The following TCERG1L variants were observed in gnomAD, a reference collection of about 807,000 sequenced individuals.
TCERG1L encodes transcription elongation regulator 1 like, also known as transcription elongation regulator 1-like protein.
Under a neutral mutation model 56.3 loss-of-function variants are expected in TCERG1L, and 37 were observed. The observed-to-expected ratio is 0.66, with a 90% CI of 0.51 to 0.87. The LOEUF is 0.87. Among genes scored for constraint, TCERG1L ranks in the 40% least tolerant of loss-of-function variants. The pLI, the probability that TCERG1L is intolerant of heterozygous loss-of-function variation, is 0.00. For synonymous variants in TCERG1L, 324 were observed against 326.3 expected (o/e 0.99, Z 0.08); for missense variants, 799 against 774.2 (o/e 1.03, Z -0.38).
chr10:131,291,591 T>TAA (rs1564835361), intron 3 of TCERG1L, among the ~76,000 whole-genome samples: 1 of 151,478 alleles, frequency 6.6e-6, no homozygotes, highest in African/African-American at 2.4e-5. Context: ...CACACCCGGC[T>TAA]AATTTTTTGT....
chr10:131,121,663 G>A (rs1845514514), intron 8 of TCERG1L, among the ~76,000 whole-genome samples: 1 of 152,222 alleles, frequency 6.6e-6, no homozygotes, highest in South Asian at 2.1e-4. Flanking sequence ...ACACACCCGT[G>A]CTCATAATGG....
intron 11 of TCERG1L, 144 bp from the exon 12 acceptor site, chr10:131,093,462 G>T: frequency 4.3e-6 from 4 of 922,948 alleles, no homozygotes; most frequent in Admixed American, 2.5e-5. Context: ...TGGGTGAGCG[G>T]CTCTGACCAG....
chr10:131,257,006 A>AAAGAAAGAAAGAAAGG (rs1846177742), intron 4 of TCERG1L, among the ~76,000 whole-genome samples: 1 of 133,812 alleles, frequency 7.5e-6, no homozygotes. Flanking sequence ...AGAAAGAAAG[A>AAAGAAAGAAAGAAAGG]AAGAAAGAAA....
chr10:131,221,162 G>A (rs1020609183), intron 4 of TCERG1L, among the ~76,000 whole-genome samples: 1 of 152,216 alleles, frequency 6.6e-6, no homozygotes. Flanking sequence ...AGGCCACAGG[G>A]GCAGCCCAGA....
At chr10:131,173,963 G>A (rs999850691) in intron 4 of TCERG1L, among the ~76,000 whole-genome samples, 3 of 152,200 alleles carry the variant, frequency 2.0e-5, no homozygotes, top group Admixed American at 1.3e-4. Context: ...GGAGGGAGGA[G>A]GGTGTGGGAC....
intron 4 of TCERG1L, among the ~76,000 whole-genome samples, chr10:131,236,919 A>G (rs1028544526): frequency 9.9e-5 from 15 of 151,860 alleles, no homozygotes; most frequent in Non-Finnish European, 2.1e-4. Context: ...CTTTGCCCCA[A>G]TGTCTTATTC....
At chr10:131,275,763 G>T (rs920499927) in intron 3 of TCERG1L, among the ~76,000 whole-genome samples, 1 of 152,186 alleles carries the variant, frequency 6.6e-6, no homozygotes, top group Non-Finnish European at 1.5e-5. Context: ...AGAATGGATG[G>T]TTTTAAAGTA....
intron 4 of TCERG1L, among the ~76,000 whole-genome samples, chr10:131,190,047 A>G (rs1476156224): frequency 1.3e-5 from 2 of 152,230 alleles, no homozygotes; most frequent in Non-Finnish European, 2.9e-5. Flanking sequence ...CAAGAAAAGA[A>G]GAGAGAAGAT....
chr10:131,294,686 A>T (rs536221100), intron 3 of TCERG1L, among the ~76,000 whole-genome samples: 27 of 152,334 alleles, frequency 1.8e-4, no homozygotes, highest in African/African-American at 6.0e-4. Context: ...ACATGAGCAT[A>T]GAACTCATCA....
At chr10:131,181,843 C>T (rs190075312) in intron 4 of TCERG1L, among the ~76,000 whole-genome samples, 5 of 152,372 alleles carry the variant, frequency 3.3e-5, no homozygotes, top group Admixed American at 6.5e-5. Context: ...CTATTCTGAA[C>T]ATTTTAAGGG....
At chr10:131,225,444 G>T (rs575466872) in intron 4 of TCERG1L, among the ~76,000 whole-genome samples, 1 of 152,136 alleles carries the variant, frequency 6.6e-6, no homozygotes, top group Non-Finnish European at 1.5e-5. Flanking sequence ...GGACAGAGGC[G>T]TTTCTCATTT....
intron 4 of TCERG1L, among the ~76,000 whole-genome samples, chr10:131,219,817 A>G (rs1845711896): frequency 6.6e-6 from 1 of 152,192 alleles, no homozygotes; most frequent in African/African-American, 2.4e-5. Context: ...GTGTTAACTA[A>G]GGGACGGGAA....
intron 4 of TCERG1L, among the ~76,000 whole-genome samples, chr10:131,238,769 G>A (rs36095844): frequency 1.8e-4 from 28 of 152,298 alleles, no homozygotes; most frequent in African/African-American, 3.8e-4. Flanking sequence ...TGCCCATCAC[G>A]CGGGCAGAGC....
At chr10:131,203,972 G>GC (rs1433211890) in intron 4 of TCERG1L, among the ~76,000 whole-genome samples, 3 of 152,228 alleles carry the variant, frequency 2.0e-5, no homozygotes, top group African/African-American at 7.2e-5. Context: ...AGGAAGCTAA[G>GC]CCCCAATAGG....
At chr10:131,233,849 C>T (rs1348413823) in intron 4 of TCERG1L, among the ~76,000 whole-genome samples, 2 of 152,118 alleles carry the variant, frequency 1.3e-5, no homozygotes, top group African/African-American at 4.8e-5. Flanking sequence ...AGGGGTGGAT[C>T]CCTCATAAAT....
At chr10:131,293,875 T>C (rs186700383) in intron 3 of TCERG1L, among the ~76,000 whole-genome samples, 88 of 152,304 alleles carry the variant, frequency 5.8e-4, no homozygotes, top group African/African-American at 1.9e-3. Flanking sequence ...TTTACTTCTG[T>C]TTCACTCATT....
chr10:131,096,561 A>T (rs1845248929), intron 11 of TCERG1L, among the ~76,000 whole-genome samples: 1 of 151,800 alleles, frequency 6.6e-6, no homozygotes, highest in South Asian at 2.1e-4. Flanking sequence ...AGGTCAAACA[A>T]AGGGGGCCTA....
chr10:131,291,284 T>C (rs1028228133), intron 3 of TCERG1L, among the ~76,000 whole-genome samples: 1 of 151,902 alleles, frequency 6.6e-6, no homozygotes, highest in Non-Finnish European at 1.5e-5. Context: ...ATGTAAACTT[T>C]AGAATAATTT....
chr10:131,276,270 G>T (rs190443837), intron 3 of TCERG1L, among the ~76,000 whole-genome samples: 1 of 152,150 alleles, frequency 6.6e-6, no homozygotes, highest in Non-Finnish European at 1.5e-5. Context: ...TTAACCCTTT[G>T]CCCTAGAATA....
Sources: gnomAD v4.1 joint callset for allele counts (sites outside exome capture counted in the v4.1 genomes callset) on GRCh38, gnomAD v4.1.1 for gene constraint, MANE v1.5 for transcripts, NCBI Gene and HGNC (gene_info 2026-07-23, HGNC 2026-07-21) for gene names.